CFAP299: variants seen among roughly 807,000 people sequenced by gnomAD.
CFAP299 encodes the protein cilia- and flagella-associated protein 299.
Under a neutral mutation model 27.0 loss-of-function variants are expected in CFAP299, and 21 were observed. The observed-to-expected ratio is 0.78, with a 90% CI of 0.55 to 1.12. CFAP299 has a LOEUF of 1.12. Ranked by LOEUF, CFAP299 falls within the 50% of genes most tolerant of loss-of-function variation. The pLI is 0.00. For synonymous variants in CFAP299, 104 were observed against 98.1 expected (o/e 1.06, Z -0.36); for missense variants, 310 against 276.6 (o/e 1.12, Z -0.86).
chr4:80,495,750 C>A lies in CFAP299; in HGVS notation c.243-87343C>A, dbSNP rs530416625. 6.4e-4 allele frequency among the ~76,000 whole-genome samples: 98 copies of A among 152,356 alleles called. 1 individual carries two copies. The highest frequency in any genetic ancestry group is 2.2e-3 in the African/African-American group (91 of 41,586). On this transcript the variant is annotated intron_variant, in intron 2 of 5. Coordinates refer to ENST00000358105, the MANE Select transcript of CFAP299 (RefSeq NM_152770.3). ...GAAGAGGCTTAATTGGCTTATGGTT[C>A]TGCTGGCTGTACAGGAAGCATGATA...
At position 80,541,390 on chromosome 4, in the gene CFAP299, A is replaced by G. The variant is rs368725390; in HGVS notation, c.243-41703A>G. Among the ~76,000 whole-genome samples the G allele has an allele frequency of 1.1e-4, 16 of 152,306 alleles. 1 individual carries two copies. The East Asian group carries it at 1.5e-3, about 15-fold the overall frequency. Reference sequence around the variant, plus strand: ...GATGGGTTACTTCAATCAAAGTTTTAAATGTGTTAAAGACCTATATATGCA... The same window carrying G: ...GATGGGTTACTTCAATCAAAGTTTTGAATGTGTTAAAGACCTATATATGCA... On this transcript the variant is annotated intron_variant, in intron 2 of 5. Coordinates refer to ENST00000358105, the MANE Select transcript of CFAP299 (RefSeq NM_152770.3).
At chr4:80,368,458 T>A (rs1462445086) in intron 2 of CFAP299, among the ~76,000 whole-genome samples, 1 of 152,204 alleles carries the variant, frequency 6.6e-6, no homozygotes, top group East Asian at 1.9e-4. Flanking sequence ...CTATAATGTA[T>A]AGTTATCTCC....
intron 2 of CFAP299, among the ~76,000 whole-genome samples, chr4:80,477,003 C>T (rs1400486350): frequency 1.3e-5 from 2 of 151,740 alleles, no homozygotes; most frequent in African/African-American, 2.4e-5. Flanking sequence ...ACTTTCCTCC[C>T]AGCTTTGAAA....
intron 3 of CFAP299, among the ~76,000 whole-genome samples, chr4:80,610,980 T>C (rs1243020325): frequency 6.6e-6 from 1 of 152,000 alleles, no homozygotes; most frequent in Admixed American, 6.6e-5. Context: ...TCCAAACCCC[T>C]TTAGAGCACA....
chr4:80,786,315 A>C (rs1727243317), intron 3 of CFAP299, among the ~76,000 whole-genome samples: 2 of 152,104 alleles, frequency 1.3e-5, no homozygotes, highest in South Asian at 4.1e-4. Flanking sequence ...ATGAAAACAC[A>C]GCTGACCAAA....
At chr4:80,416,789 C>A (rs1225618150) in intron 2 of CFAP299, among the ~76,000 whole-genome samples, 3 of 152,102 alleles carry the variant, frequency 2.0e-5, no homozygotes, top group African/African-American at 7.2e-5. Flanking sequence ...CACTGACATT[C>A]TGAAAAAGGA....
intron 4 of CFAP299, among the ~76,000 whole-genome samples, chr4:80,931,712 A>ACATG (rs1736624992): frequency 6.6e-6 from 1 of 151,878 alleles, no homozygotes; most frequent in Non-Finnish European, 1.5e-5. Context: ...GCTAATTTTA[A>ACATG]CATGCACGCA....
chr4:80,687,587 T>C (rs1720289241), intron 3 of CFAP299, among the ~76,000 whole-genome samples: 1 of 152,182 alleles, frequency 6.6e-6, no homozygotes, highest in Non-Finnish European at 1.5e-5. Flanking sequence ...AATTTGTTGA[T>C]TACATCCTGA....
chr4:80,397,696 A>G (rs1018843617), intron 2 of CFAP299, among the ~76,000 whole-genome samples: 1 of 152,176 alleles, frequency 6.6e-6, no homozygotes. Context: ...TCAAAATAAT[A>G]AGAGCTATTT....
At chr4:80,657,203 T>G (rs540890212) in intron 3 of CFAP299, among the ~76,000 whole-genome samples, 1 of 152,318 alleles carries the variant, frequency 6.6e-6, no homozygotes, top group South Asian at 2.1e-4. Flanking sequence ...TGATAGTTTC[T>G]TTTGCTGTGC....
intron 1 of CFAP299, chr4:80,336,697 A>C (rs995057758): frequency 2.6e-5 from 4 of 152,232 alleles, no homozygotes; most frequent in African/African-American, 9.6e-5. Flanking sequence ...CTAAAGTCCC[A>C]GTATATTCCT....
At chr4:80,360,571 T>G (rs1410671567) in intron 1 of CFAP299, among the ~76,000 whole-genome samples, 1 of 152,200 alleles carries the variant, frequency 6.6e-6, no homozygotes, top group Non-Finnish European at 1.5e-5. Flanking sequence ...TATCTTTAGG[T>G]TTTCCACAAC....
At chr4:80,489,011 A>C (rs535079338) in intron 2 of CFAP299, among the ~76,000 whole-genome samples, 1 of 152,206 alleles carries the variant, frequency 6.6e-6, no homozygotes, top group East Asian at 1.9e-4. Flanking sequence ...GTGTTGTCTG[A>C]AACAAAAGAA....
At position 80,834,550 on chromosome 4, in the gene CFAP299, T is replaced by A. The variant is rs1180584104; in HGVS notation, c.334-35443T>A. 2.0e-5 allele frequency among the ~76,000 whole-genome samples: 3 copies of A among 152,192 alleles called. No individual in the cohort carries two copies. In the East Asian group the frequency reaches 5.8e-4, roughly 29 times the overall value. On this transcript the variant is annotated intron_variant, in intron 3 of 5. Transcript: ENST00000358105. The stretch of plus-strand genomic sequence containing the variant: ...TGACTAAAGGAGTTTTCACTGAAAA[T>A]GTCCAGTCTGTTTCTGACACTTTCC...
chr4:80,738,368 C>G (rs1193036745), intron 3 of CFAP299, among the ~76,000 whole-genome samples: 3 of 152,086 alleles, frequency 2.0e-5, no homozygotes, highest in African/African-American at 7.2e-5. Flanking sequence ...GTCTGTGTCT[C>G]TCTTTAGCTC....
At chr4:80,513,226 T>C (rs1732404558) in intron 2 of CFAP299, among the ~76,000 whole-genome samples, 1 of 152,134 alleles carries the variant, frequency 6.6e-6, no homozygotes, top group Admixed American at 6.6e-5. Flanking sequence ...ATATAGGGAA[T>C]TTCCATATTA....
At chr4:80,590,568 C>T (rs948942913) in intron 3 of CFAP299, among the ~76,000 whole-genome samples, 4 of 151,928 alleles carry the variant, frequency 2.6e-5, no homozygotes, top group South Asian at 2.1e-4. Context: ...ACCCGGGAGG[C>T]GGAGGTTGCA....
intron 3 of CFAP299, among the ~76,000 whole-genome samples, chr4:80,603,132 G>C (rs1737451194): frequency 6.6e-6 from 1 of 152,160 alleles, no homozygotes; most frequent in African/African-American, 2.4e-5. Context: ...GACTAAAAAA[G>C]ACTTTGGCAA....
chr4:80,371,002 G>T (rs1724120288), intron 2 of CFAP299, among the ~76,000 whole-genome samples: 1 of 152,218 alleles, frequency 6.6e-6, no homozygotes, highest in Admixed American at 6.5e-5. Flanking sequence ...GCAGGGTTTT[G>T]CCTGGACATC....
Sources: allele counts gnomAD v4.1 joint callset (sites outside exome capture counted in the v4.1 genomes callset), GRCh38; gene constraint gnomAD v4.1.1; transcripts MANE v1.5; gene names NCBI Gene and HGNC (gene_info 2026-07-23, HGNC 2026-07-21).